The following RANBP2 variants were observed in gnomAD, a reference collection of about 807,000 sequenced individuals.
RANBP2 encodes the protein E3 SUMO-protein ligase RanBP2.
Under a neutral mutation model 303.6 loss-of-function variants are expected in RANBP2, and 57 were observed. The ratio of observed to expected loss-of-function variants is 0.19; its 90% confidence interval spans 0.15 to 0.23. The LOEUF is 0.23. RANBP2 is among the 10% of genes least tolerant of loss of function. The pLI, the probability that RANBP2 is intolerant of heterozygous loss-of-function variation, is 1.00. For missense variants in RANBP2, 3,138 were observed against 3,780.8 expected (o/e 0.83, Z 4.46); for synonymous variants, 1,167 against 1,301.5 (o/e 0.90, Z 2.23).
At chr2:108,811,162 C>T in the RANBP2 span, among the ~76,000 whole-genome samples, 3 of 150,484 alleles carry the variant, frequency 2.0e-5, no homozygotes, top group East Asian at 3.9e-4. Context: ...TTCCCTACCC[C>T]CCTAACCCTG....
chr2:108,721,722 T>C (rs552088717), intron 1 of RANBP2, among the ~76,000 whole-genome samples: 35 of 152,138 alleles, frequency 2.3e-4, no homozygotes, highest in African/African-American at 7.2e-4. Flanking sequence ...GTTGGGATTA[T>C]AGGCGTGAGC....
At chr2:108,909,050 G>A in the RANBP2 span, among the ~76,000 whole-genome samples, 1 of 152,192 alleles carries the variant, frequency 6.6e-6, no homozygotes, top group African/African-American at 2.4e-5. Context: ...AAACAGCAGG[G>A]ACAAAAGCTC....
At chr2:108,945,674 C>G in the RANBP2 span, among the ~76,000 whole-genome samples, 1 of 152,122 alleles carries the variant, frequency 6.6e-6, no homozygotes, top group Non-Finnish European at 1.5e-5. Flanking sequence ...CCATGGATCC[C>G]AAATGGATAA....
chr2:108,990,544 C>A, the RANBP2 span, among the ~76,000 whole-genome samples: 66,831 of 151,662 alleles, frequency 0.44, 17,691 homozygotes, highest in South Asian at 0.68. Flanking sequence ...TGCAGTGAGC[C>A]GAGATTGTGC....
the RANBP2 span, among the ~76,000 whole-genome samples, chr2:109,378,702 G>T: frequency 1.3e-5 from 2 of 152,174 alleles, no homozygotes; most frequent in Non-Finnish European, 2.9e-5. Context: ...CTTTCATGTG[G>T]GGCTAATTTC....
At chr2:109,491,472 A>G in the RANBP2 span, among the ~76,000 whole-genome samples, 5 of 152,214 alleles carry the variant, frequency 3.3e-5, no homozygotes, top group Admixed American at 3.3e-4. Context: ...GAAATTGCCC[A>G]TATTCATTCA....
At chr2:109,521,550 G>A in the RANBP2 span, among the ~76,000 whole-genome samples, 1 of 152,216 alleles carries the variant, frequency 6.6e-6, no homozygotes, top group Non-Finnish European at 1.5e-5. Context: ...CACGGAGCTG[G>A]CACTCAGTGC....
chr2:109,572,781 T>C, the RANBP2 span, among the ~76,000 whole-genome samples: 1 of 151,980 alleles, frequency 6.6e-6, no homozygotes, highest in Non-Finnish European at 1.5e-5. Context: ...CATGCCTGGC[T>C]AATTTTTGTA....
chr2:108,945,117 G>A, the RANBP2 span, among the ~76,000 whole-genome samples: 1 of 152,170 alleles, frequency 6.6e-6, no homozygotes, highest in Non-Finnish European at 1.5e-5. Context: ...GGCGCTGCCT[G>A]TCCGTGAGGC....
At chr2:108,929,437 C>A in the RANBP2 span, 1 of 1,572,416 alleles carries the variant, frequency 6.4e-7, no homozygotes, top group Non-Finnish European at 8.7e-7. Flanking sequence ...ACCATACGGA[C>A]TCGGCCCACA....
chr2:109,129,989 C>T, the RANBP2 span: 18 of 1,296,824 alleles, frequency 1.4e-5, no homozygotes, highest in Admixed American at 4.2e-5. Flanking sequence ...CCCACGCTCG[C>T]GGGCGGCGGG....
At chr2:109,511,766 C>A in the RANBP2 span, among the ~76,000 whole-genome samples, 1 of 152,220 alleles carries the variant, frequency 6.6e-6, no homozygotes, top group Admixed American at 6.5e-5. Context: ...CTTGTCCACA[C>A]CCTCCCTGCA....
the RANBP2 span, chr2:108,906,383 C>G: frequency 1.2e-6 from 2 of 1,613,938 alleles, no homozygotes; most frequent in African/African-American, 2.7e-5. Context: ...GAAAAAGAGT[C>G]GAGAATTTTC....
the RANBP2 span, among the ~76,000 whole-genome samples, chr2:109,215,705 T>C: frequency 9.2e-5 from 14 of 152,302 alleles, no homozygotes; most frequent in East Asian, 2.7e-3. Flanking sequence ...ACCCAGACCG[T>C]GTGACTCACC....
chr2:109,615,249 G>T, the RANBP2 span: 1 of 1,555,794 alleles, frequency 6.4e-7, no homozygotes, highest in Non-Finnish European at 8.7e-7. Flanking sequence ...GTCCGCGGAG[G>T]AGGAGAGCAG....
At chr2:109,598,707 G>A in the RANBP2 span, among the ~76,000 whole-genome samples, 5 of 151,750 alleles carry the variant, frequency 3.3e-5, no homozygotes, top group Admixed American at 3.3e-4. Flanking sequence ...GCCAGGCATG[G>A]CAGTGCATGC....
At chr2:109,082,299 T>C in the RANBP2 span, among the ~76,000 whole-genome samples, 2 of 152,050 alleles carry the variant, frequency 1.3e-5, no homozygotes, top group Non-Finnish European at 2.9e-5. Context: ...TTTTATTTTA[T>C]TTTATTTATT....
the RANBP2 span, among the ~76,000 whole-genome samples, chr2:109,372,214 T>C: frequency 6.6e-6 from 1 of 152,366 alleles, no homozygotes; most frequent in Non-Finnish European, 1.5e-5. Context: ...CCAGACCTAC[T>C]AATTTCCTTT....
chr2:108,971,973 C>A, the RANBP2 span, among the ~76,000 whole-genome samples: 2 of 152,174 alleles, frequency 1.3e-5, no homozygotes, highest in East Asian at 1.9e-4. Context: ...GGGGAGCTCC[C>A]GTGGCCCGGA....
Sources: gnomAD v4.1 joint callset for allele counts (sites outside exome capture counted in the v4.1 genomes callset) on GRCh38, gnomAD v4.1.1 for gene constraint, MANE v1.5 for transcripts, NCBI Gene and HGNC (gene_info 2026-07-23, HGNC 2026-07-21) for gene names.